Variants in ZNF609 observed in about 807,000 individuals in gnomAD.
The protein encoded by ZNF609 is zinc finger protein 609.
ZNF609 carries 11 observed loss-of-function variants against 109.5 expected under a neutral mutation model. The observed-to-expected ratio is 0.10, with a 90% confidence interval of 0.06 to 0.17. The LOEUF (loss-of-function observed/expected upper bound fraction) is 0.17. Ranked by LOEUF, ZNF609 falls within the 10% of genes least tolerant of loss-of-function variation. The pLI is 1.00. For synonymous variants in ZNF609, 646 were observed against 662.0 expected (o/e 0.98, Z 0.37); for missense variants, 1,559 against 1,772.4 (o/e 0.88, Z 2.16).
At chr15:64,588,871 C>T (rs1433614504) in intron 2 of ZNF609, among the ~76,000 whole-genome samples, 2 of 152,024 alleles carry the variant, frequency 1.3e-5, no homozygotes, top group East Asian at 1.9e-4. Context: ...CTCCTGACCT[C>T]GGGTTCGGGT....
intron 2 of ZNF609, among the ~76,000 whole-genome samples, chr15:64,541,027 CAAA>C (rs1287975678): frequency 1.9e-5 from 1 of 53,694 alleles, no homozygotes. Context: ...GACTCTGTCT[CAAA>C]AAAAAAAAAA....
In ZNF609 at chr15:64,675,559, G is replaced by T. The variant is rs1224316586; in HGVS notation, c.2705G>T (p.Ser902Ile). 6.2e-7 allele frequency: 1 copy of T among 1,614,096 alleles called. No individual in the cohort carries two copies. Among genetic ancestry groups the T allele is most frequent in the African/African-American group, 1.3e-5 (1 of 74,930 alleles). The stretch of plus-strand genomic sequence containing the variant: ...GGCTTTGAGAGTTACTATTCTCCAA[G>T]TTATGCACAGTCCAGCCCTGGGGCT... Reference protein sequence around the residue: ...YQGFESYYSPSYAQSSPGALN... With the variant: ...YQGFESYYSPIYAQSSPGALN... The change falls in exon 5 of 10, where the codon AGT (serine) becomes ATT (isoleucine). Residue 902 changes from serine (S) to isoleucine (I), a missense_variant. Coordinates refer to ENST00000326648, the MANE Select transcript of ZNF609 (RefSeq NM_015042.2).
chr15:64,583,837 C>T (rs541347273), intron 2 of ZNF609, among the ~76,000 whole-genome samples: 49 of 152,272 alleles, frequency 3.2e-4, no homozygotes, highest in Middle Eastern at 6.8e-3. Flanking sequence ...TTGAACCCTA[C>T]GCTCTTTTCA....
intron 2 of ZNF609, chr15:64,528,704 A>G: frequency 8.4e-7 from 1 of 1,186,334 alleles, no homozygotes; most frequent in Admixed American, 1.7e-5. Flanking sequence ...GAGGTGCACC[A>G]CCCTGTTGCT....
upstream of ZNF609, among the ~76,000 whole-genome samples, chr15:64,460,203 T>C (rs1448239882): frequency 2.0e-5 from 3 of 152,020 alleles, no homozygotes; most frequent in Admixed American, 6.5e-5. Context: ...CTCTCTGTGG[T>C]TGAAGGACAA....
intron 2 of ZNF609, among the ~76,000 whole-genome samples, chr15:64,546,663 G>A (rs1014461391): frequency 3.3e-5 from 5 of 151,706 alleles, no homozygotes; most frequent in Non-Finnish European, 4.4e-5. Context: ...TTGTAGTGAT[G>A]GGGTCTTCCT....
intron 2 of ZNF609, among the ~76,000 whole-genome samples, chr15:64,549,482 A>G (rs1894428033): frequency 1.3e-5 from 2 of 152,104 alleles, no homozygotes; most frequent in South Asian, 4.1e-4. Context: ...AGACTGTTGT[A>G]AGAAGTGTAT....
At chr15:64,559,248 T>A (rs1415766965) in intron 2 of ZNF609, among the ~76,000 whole-genome samples, 3 of 152,164 alleles carry the variant, frequency 2.0e-5, no homozygotes, top group Admixed American at 1.3e-4. Flanking sequence ...CTCTTGGCTT[T>A]AAGATAGAAT....
intron 2 of ZNF609, among the ~76,000 whole-genome samples, chr15:64,522,261 G>T (rs561758640): frequency 5.5e-4 from 84 of 152,280 alleles, no homozygotes; most frequent in African/African-American, 1.9e-3. Context: ...GGAAAATTCA[G>T]AAAAGTAAAA....
At chr15:64,610,988 G>A (rs1567028906) in intron 2 of ZNF609, among the ~76,000 whole-genome samples, 2 of 151,920 alleles carry the variant, frequency 1.3e-5, no homozygotes, top group East Asian at 1.9e-4. Context: ...TTTGATTTGT[G>A]GAGTTTTTTA....
At chr15:64,663,260 G>A (rs945909799) in intron 3 of ZNF609, among the ~76,000 whole-genome samples, 1 of 152,154 alleles carries the variant, frequency 6.6e-6, no homozygotes, top group African/African-American at 2.4e-5. Flanking sequence ...TTTGAAGGTT[G>A]AGCCAAAAAG....
chr15:64,544,149 G>A (rs759464598), intron 2 of ZNF609, among the ~76,000 whole-genome samples: 4 of 152,188 alleles, frequency 2.6e-5, no homozygotes, highest in Admixed American at 6.5e-5. Context: ...GACCAGCCTG[G>A]CCAACATGGT....
intron 2 of ZNF609, among the ~76,000 whole-genome samples, chr15:64,622,182 T>C (rs1024065897): frequency 1.3e-5 from 2 of 152,184 alleles, no homozygotes; most frequent in African/African-American, 4.8e-5. Flanking sequence ...CAACCACTGT[T>C]ACATGTTACA....
intron 1 of ZNF609, among the ~76,000 whole-genome samples, chr15:64,498,993 G>C (rs763149616): frequency 2.6e-5 from 4 of 152,138 alleles, no homozygotes; most frequent in African/African-American, 4.8e-5. Flanking sequence ...AGCTGACAGT[G>C]GTAGTAGAAA....
At chr15:64,611,421 T>C (rs571638386) in intron 2 of ZNF609, among the ~76,000 whole-genome samples, 1 of 152,300 alleles carries the variant, frequency 6.6e-6, no homozygotes, top group Non-Finnish European at 1.5e-5. Flanking sequence ...GACACTGCCA[T>C]GTGATTTGTG....
chr15:64,623,087 A>G lies in ZNF609; in HGVS notation c.973+35A>G, dbSNP rs188678362. 2.5e-3 allele frequency: 4,028 copies of G among 1,599,748 alleles called. 6 individuals are homozygous for G. The highest frequency in any genetic ancestry group is 2.8e-3 in the Non-Finnish European group (3,260 of 1,167,448). On this transcript the variant is annotated intron_variant, in intron 3 of 9. Coordinates refer to ENST00000326648, the MANE Select transcript of ZNF609 (RefSeq NM_015042.2). ...ATATGTGGCTTTCCCCTCCCTTCTC[A>G]ACCTGCTTCTGCAGGGGAGCCACCA... is the stretch of plus-strand genomic sequence containing the variant.
At chr15:64,666,856 G>A (rs532523467) in intron 3 of ZNF609, among the ~76,000 whole-genome samples, 37 of 151,860 alleles carry the variant, frequency 2.4e-4, no homozygotes, top group African/African-American at 8.9e-4. Flanking sequence ...GGCCAGGCGC[G>A]GTGGCTCATG....
intron 1 of ZNF609, among the ~76,000 whole-genome samples, chr15:64,462,124 A>G (rs1308345786): frequency 4.6e-5 from 7 of 152,160 alleles, no homozygotes; most frequent in Non-Finnish European, 1.5e-5. Context: ...CCTCAGTGCC[A>G]TTTTCTTCCT....
intron 2 of ZNF609, among the ~76,000 whole-genome samples, chr15:64,597,750 C>T (rs1270104685): frequency 2.0e-5 from 3 of 152,138 alleles, no homozygotes; most frequent in African/African-American, 7.2e-5. Context: ...TTATGAATAT[C>T]TATCTGCTCT....
Sources: allele counts gnomAD v4.1 joint callset (sites outside exome capture counted in the v4.1 genomes callset), GRCh38; gene constraint gnomAD v4.1.1; transcripts MANE v1.5; gene names NCBI Gene and HGNC (gene_info 2026-07-23, HGNC 2026-07-21).